Variants in CNTNAP2 observed in about 807,000 individuals in gnomAD.
CNTNAP2 encodes contactin associated protein 2.
A neutral mutation model predicts 155.2 loss-of-function variants in CNTNAP2; 98 were observed. That is an observed-to-expected ratio of 0.63 (90% confidence interval 0.54 to 0.75). CNTNAP2 has a LOEUF of 0.75. Among genes scored for constraint, CNTNAP2 ranks in the 30% least tolerant of loss-of-function variants. The probability of loss-of-function intolerance (pLI) is 0.00; values close to 1 mark genes in which losing one functional copy is unlikely to be tolerated. For missense variants in CNTNAP2, 1,727 were observed against 1,688.1 expected (o/e 1.02, Z -0.40); for synonymous variants, 651 against 631.2 (o/e 1.03, Z -0.47).
chr7:147,272,102 A>G (rs1010625443), intron 8 of CNTNAP2, among the ~76,000 whole-genome samples: 2 of 152,262 alleles, frequency 1.3e-5, no homozygotes, highest in African/African-American at 2.4e-5. Context: ...CATGTTGGCC[A>G]GGCTGCTCTC....
intron 1 of CNTNAP2, among the ~76,000 whole-genome samples, chr7:146,446,196 T>C (rs1796399401): frequency 6.6e-6 from 1 of 152,148 alleles, no homozygotes; most frequent in Non-Finnish European, 1.5e-5. Context: ...ATAAAAAATA[T>C]TATGTTTTAA....
At chr7:147,848,982 C>G (rs1048173029) in intron 13 of CNTNAP2, among the ~76,000 whole-genome samples, 4 of 152,022 alleles carry the variant, frequency 2.6e-5, no homozygotes, top group African/African-American at 7.2e-5. Flanking sequence ...ACTCACATCA[C>G]TTATGCCAGG....
chr7:148,247,647 A>ATTTTTTT (rs1361087053), intron 20 of CNTNAP2, among the ~76,000 whole-genome samples: 1 of 125,762 alleles, frequency 8.0e-6, no homozygotes, highest in African/African-American at 3.2e-5. Flanking sequence ...TTATTTATTT[A>ATTTTTTT]TTTATTTATT....
intron 15 of CNTNAP2, among the ~76,000 whole-genome samples, chr7:147,989,885 C>T (rs1398606918): frequency 2.6e-5 from 4 of 152,168 alleles, no homozygotes; most frequent in African/African-American, 7.2e-5. Flanking sequence ...TGTGCCACTC[C>T]CTGGAATTAT....
At chr7:146,347,007 A>G (rs150897123) in intron 1 of CNTNAP2, among the ~76,000 whole-genome samples, 1 of 151,884 alleles carries the variant, frequency 6.6e-6, no homozygotes. Flanking sequence ...TATGCCTCCT[A>G]TACAGAACCA....
chr7:148,282,769 T>C (rs1466076581), intron 21 of CNTNAP2, among the ~76,000 whole-genome samples: 1 of 152,166 alleles, frequency 6.6e-6, no homozygotes, highest in South Asian at 2.1e-4. Context: ...AAATCATTTA[T>C]TGTTAAAATG....
chr7:147,047,048 A>G (rs1424514057), intron 4 of CNTNAP2, among the ~76,000 whole-genome samples: 2 of 150,552 alleles, frequency 1.3e-5, no homozygotes, highest in African/African-American at 4.9e-5. Context: ...AAAAAAAAAA[A>G]AAGTGTAGCC....
At chr7:146,243,477 AG>A (rs745348626) in intron 1 of CNTNAP2, among the ~76,000 whole-genome samples, 7 of 152,192 alleles carry the variant, frequency 4.6e-5, no homozygotes, top group Non-Finnish European at 1.0e-4. Flanking sequence ...GTAGTGAAAA[AG>A]TTTTACAAAA....
At chr7:147,177,050 T>C (rs1386280836) in intron 8 of CNTNAP2, among the ~76,000 whole-genome samples, 1 of 145,870 alleles carries the variant, frequency 6.9e-6, no homozygotes, top group Non-Finnish European at 1.5e-5. Context: ...AATAGAATTA[T>C]ATTCTGTATA....
chr7:146,536,609 T>G (rs1797873266), intron 1 of CNTNAP2, among the ~76,000 whole-genome samples: 1 of 147,536 alleles, frequency 6.8e-6, no homozygotes, highest in Non-Finnish European at 1.5e-5. Flanking sequence ...ACCACCATTT[T>G]TAAAGACTCA....
At chr7:146,160,730 A>G (rs1584779482) in intron 1 of CNTNAP2, among the ~76,000 whole-genome samples, 1 of 152,224 alleles carries the variant, frequency 6.6e-6, no homozygotes, top group Non-Finnish European at 1.5e-5. Context: ...AACCAAAAAA[A>G]GTCCAGGACC....
chr7:147,853,337 G>C (rs1010257674), intron 13 of CNTNAP2, among the ~76,000 whole-genome samples: 2 of 152,154 alleles, frequency 1.3e-5, no homozygotes, highest in African/African-American at 4.8e-5. Flanking sequence ...TGTTACGAAG[G>C]AAATGTCTTA....
intron 9 of CNTNAP2, among the ~76,000 whole-genome samples, chr7:147,311,874 A>G (rs1046102570): frequency 6.6e-6 from 1 of 152,140 alleles, no homozygotes; most frequent in African/African-American, 2.4e-5. Flanking sequence ...TCCCGTGCCT[A>G]TAACTGTGAT....
intron 9 of CNTNAP2, among the ~76,000 whole-genome samples, chr7:147,319,310 A>T (rs1795299413): frequency 6.6e-6 from 1 of 152,178 alleles, no homozygotes; most frequent in South Asian, 2.1e-4. Flanking sequence ...GTTATGTCAA[A>T]GTATATAATG....
intron 15 of CNTNAP2, among the ~76,000 whole-genome samples, chr7:148,071,311 T>C (rs537702048): frequency 1.3e-5 from 2 of 152,158 alleles, no homozygotes; most frequent in Non-Finnish European, 2.9e-5. Flanking sequence ...ACCCCGTCTC[T>C]ACTAAAAATA....
At chr7:146,668,182 G>C (rs1218980419) in intron 1 of CNTNAP2, among the ~76,000 whole-genome samples, 1 of 151,890 alleles carries the variant, frequency 6.6e-6, no homozygotes, top group Admixed American at 6.6e-5. Flanking sequence ...TAATATAATG[G>C]CATATTACAT....
At position 147,488,329 on chromosome 7, in the gene CNTNAP2, G is replaced by A. The variant is rs149548411; in HGVS notation, c.1777+2288G>A. ...ACGCTAGCTATAAAACCATCAGGCCGTGTGCCTTTGTGGTCAATCATTTGA... is the reference window on the plus strand; with the variant it reads ...ACGCTAGCTATAAAACCATCAGGCCATGTGCCTTTGTGGTCAATCATTTGA... On this transcript the variant is annotated intron_variant, in intron 11 of 23. Coordinates refer to ENST00000361727, the MANE Select transcript of CNTNAP2 (RefSeq NM_014141.6). Among the ~76,000 whole-genome samples the A allele has an allele frequency of 1.2e-4, 19 of 152,290 alleles. No individual in the cohort carries two copies. In the East Asian group the frequency reaches 1.4e-3, roughly 11 times the overall value.
At chr7:147,365,979 A>T (rs1796223639) in intron 9 of CNTNAP2, among the ~76,000 whole-genome samples, 1 of 152,170 alleles carries the variant, frequency 6.6e-6, no homozygotes, top group South Asian at 2.1e-4. Flanking sequence ...TTTATTCGGC[A>T]CTGATTATGA....
In CNTNAP2 at chr7:148,229,647, A is replaced by G. The variant is rs1795923664; in HGVS notation, c.3249A>G (p.Gly1083=). 1.9e-6 allele frequency: 3 copies of G among 1,614,012 alleles called. No homozygotes were observed. Among genetic ancestry groups the G allele is most frequent in the Admixed American group, 1.7e-5 (1 of 60,000 alleles). ...DFLAVLVKPT[G]SLQIRYNLGG... ...TGAGCTTTCTTTTTTCTTCTATAGGAAGCTTACAGATTCGATACAACCTGG... is the reference window on the plus strand; with the variant it reads ...TGAGCTTTCTTTTTTCTTCTATAGGGAGCTTACAGATTCGATACAACCTGG... The change falls in exon 20 of 24, where the codon GGA becomes GGG. Residue 1083 remains glycine, a splice_region_variant and synonymous_variant. Transcript: ENST00000361727.
Sources: allele counts gnomAD v4.1 joint callset (sites outside exome capture counted in the v4.1 genomes callset), GRCh38; gene constraint gnomAD v4.1.1; transcripts MANE v1.5; gene names NCBI Gene and HGNC (gene_info 2026-07-23, HGNC 2026-07-21).